MAK: variants seen among roughly 807,000 people sequenced by gnomAD.
MAK encodes serine/threonine-protein kinase MAK.
Under a neutral mutation model 82.6 loss-of-function variants are expected in MAK, and 65 were observed. The ratio of observed to expected loss-of-function variants is 0.79; its 90% CI spans 0.64 to 0.97. The LOEUF (loss-of-function observed/expected upper bound fraction) is 0.97, where lower values mean the gene tolerates loss of function less well. Ranked by LOEUF, MAK falls within the 50% of genes least tolerant of loss-of-function variation. MAK has a pLI of 0.00. For synonymous variants in MAK, 250 were observed against 274.2 expected (o/e 0.91, Z 0.87); for missense variants, 703 against 780.2 (o/e 0.90, Z 1.18).
Position 10,813,120 on chromosome 6 carries a change from A to G in MAK, c.358+524T>C, listed in dbSNP as rs1341688195. ...TATATATATATATATATATATATAT[A>G]TATATATATATATAAATTTTTTTTT... On this transcript the variant is annotated intron_variant, in intron 5 of 14. Transcript: ENST00000354489. Among the ~76,000 whole-genome samples, 10 of 1,588 alleles carry G rather than the reference A, an allele frequency of 6.3e-3. 2 individuals are homozygous for G. The highest frequency in any genetic ancestry group is 0.011 in the Non-Finnish European group (10 of 936). The allele number at this position is 1,588 out of a possible 152,430, so 1.0% of individuals were successfully genotyped here. A position where few individuals can be genotyped will look rare whatever the true frequency, so the allele number is the denominator to read the frequency against.
intron 13 of MAK, among the ~76,000 whole-genome samples, chr6:10,770,701 G>A (rs7751320): frequency 0.015 from 2,261 of 152,290 alleles, 64 homozygotes; most frequent in African/African-American, 0.051. Flanking sequence ...TTCAGAGCAC[G>A]TGGCATAGAA....
chr6:10,812,261 G>C (rs773104316), intron 5 of MAK, among the ~76,000 whole-genome samples: 2 of 152,064 alleles, frequency 1.3e-5, no homozygotes, highest in Non-Finnish European at 2.9e-5. Flanking sequence ...GAAACTAATG[G>C]TGATTTTCCA....
At chr6:10,815,912 G>GTACATATATATATATATATA (rs1554184484) in intron 4 of MAK, among the ~76,000 whole-genome samples, 82 of 108,332 alleles carry the variant, frequency 7.6e-4, no homozygotes, top group Non-Finnish European at 1.1e-3. Flanking sequence ...GCTTTATACA[G>GTACATATATATATATATATA]TATATATATA....
rs765867049 is a variant in MAK, at chr6:10,784,583, A to C, written c.1317-11T>G. The C allele has an allele frequency of 1.2e-6, 2 of 1,608,560 alleles. No homozygotes were observed. Among genetic ancestry groups the C allele is most frequent in the South Asian group, 2.2e-5 (2 of 90,696 alleles). ...ACTGGCTCTGGAAGCCTTGAAAGCC[A>C]ATGAAAGGTAGCATTACAGCACGAA... On this transcript the variant is annotated splice_polypyrimidine_tract_variant and intron_variant, in intron 10 of 14. Transcript: ENST00000354489.
At chr6:10,764,675 C>T in intron 14 of MAK, 69 bp from the exon 15 acceptor site, 3 of 1,349,544 alleles carry the variant, frequency 2.2e-6, no homozygotes, top group South Asian at 1.2e-5. Context: ...TAAAGAAATT[C>T]ATCCTCTCAT....
intron 4 of MAK, 27 bp downstream of exon 4, chr6:10,817,823 C>T (rs1485101034): frequency 1.4e-6 from 2 of 1,460,406 alleles, no homozygotes; most frequent in Non-Finnish European, 1.9e-6. Flanking sequence ...GAGAGAATAA[C>T]AGGGAAAAAC....
At chr6:10,791,080 G>T (rs1269661990) in intron 10 of MAK, among the ~76,000 whole-genome samples, 1 of 151,898 alleles carries the variant, frequency 6.6e-6, no homozygotes, top group Non-Finnish European at 1.5e-5. Flanking sequence ...GCAGAACCAT[G>T]GGCCAACACA....
rs543495719 is a variant in MAK, at chr6:10,799,244, T to G, written c.831+2648A>C. Among the ~76,000 whole-genome samples, 5 of 152,374 alleles carry G rather than the reference T, an allele frequency of 3.3e-5. No homozygotes were observed. The South Asian group carries it at 1.0e-3, about 32-fold the overall frequency. ...CTCTTTTTATATACTACAAAATTACTTTCTCTTACTAAGAGAGATAAATGA... is the reference window on the plus strand; with the variant it reads ...CTCTTTTTATATACTACAAAATTACGTTCTCTTACTAAGAGAGATAAATGA... On this transcript the variant is annotated intron_variant, in intron 8 of 14. Coordinates refer to ENST00000354489, the MANE Select transcript of MAK (RefSeq NM_001242957.3).
intron 1 of MAK, among the ~76,000 whole-genome samples, chr6:10,833,621 T>C (rs1037237130): frequency 6.6e-6 from 1 of 150,998 alleles, no homozygotes; most frequent in Non-Finnish European, 1.5e-5. Context: ...ATAATAATAA[T>C]AATAATAATA....
chr6:10,789,673 G>A (rs1774909593), intron 10 of MAK, among the ~76,000 whole-genome samples: 1 of 151,550 alleles, frequency 6.6e-6, no homozygotes, highest in South Asian at 2.1e-4. Flanking sequence ...TCTTTTTTTT[G>A]TTTTGAGACG....
At chr6:10,818,442 T>C (rs1777658579) in intron 3 of MAK, among the ~76,000 whole-genome samples, 1 of 151,984 alleles carries the variant, frequency 6.6e-6, no homozygotes, top group African/African-American at 2.4e-5. Context: ...GGTGAAACCT[T>C]GTCTCTACTA....
chr6:10,829,862 A>C (rs577080462), intron 2 of MAK, among the ~76,000 whole-genome samples: 34 of 151,356 alleles, frequency 2.2e-4, no homozygotes, highest in Middle Eastern at 6.8e-3. Flanking sequence ...TTTGAGATGG[A>C]GTCTCCTTCT....
chr6:10,790,651 T>A (rs576243766), intron 10 of MAK, among the ~76,000 whole-genome samples: 15 of 152,196 alleles, frequency 9.9e-5, no homozygotes, highest in Non-Finnish European at 1.6e-4. Flanking sequence ...CACGTGGTGC[T>A]CTACTTCCTG....
chr6:10,823,864 G>A (rs1034151460), intron 2 of MAK, among the ~76,000 whole-genome samples: 10 of 152,044 alleles, frequency 6.6e-5, no homozygotes, highest in East Asian at 3.9e-4. Flanking sequence ...GAAAAGTATC[G>A]ATGGATCTTA....
intron 2 of MAK, chr6:10,828,857 T>A (rs1778570587): frequency 6.6e-6 from 1 of 151,724 alleles, no homozygotes; most frequent in African/African-American, 2.4e-5. Context: ...TATAAAGACC[T>A]AGAGAGGATA....
intron 2 of MAK, among the ~76,000 whole-genome samples, chr6:10,830,117 G>C (rs1778677653): frequency 8.0e-6 from 1 of 125,652 alleles, no homozygotes; most frequent in Admixed American, 8.6e-5. Context: ...CACACAGCCT[G>C]TGTGCACGTG....
intron 14 of MAK, among the ~76,000 whole-genome samples, chr6:10,765,648 TG>T (rs1319444791): frequency 6.6e-6 from 1 of 151,864 alleles, no homozygotes; most frequent in Non-Finnish European, 1.5e-5. Context: ...TTAGTAGAGA[TG>T]GGGTTTTGCC....
chr6:10,803,405 C>A (rs1013694538), intron 7 of MAK, among the ~76,000 whole-genome samples: 1 of 151,760 alleles, frequency 6.6e-6, no homozygotes, highest in Non-Finnish European at 1.5e-5. Context: ...ATTGACCAGG[C>A]GTGGTGGTGC....
intron 10 of MAK, among the ~76,000 whole-genome samples, chr6:10,785,354 G>A (rs1489505514): frequency 1.3e-5 from 2 of 152,236 alleles, no homozygotes; most frequent in East Asian, 1.9e-4. Flanking sequence ...AGCCCTCCAC[G>A]ACCAACCTTC....
Sources: allele counts gnomAD v4.1 joint callset (sites outside exome capture counted in the v4.1 genomes callset), GRCh38; gene constraint gnomAD v4.1.1; transcripts MANE v1.5; gene names NCBI Gene and HGNC (gene_info 2026-07-23, HGNC 2026-07-21).